Variants in OSBPL6 observed in about 807,000 individuals in gnomAD.
The protein encoded by OSBPL6 is oxysterol binding protein like 6.
Under a neutral mutation model 125.8 loss-of-function variants are expected in OSBPL6, and 49 were observed. The ratio of observed to expected loss-of-function variants is 0.39; its 90% CI spans 0.31 to 0.49. The LOEUF (loss-of-function observed/expected upper bound fraction) is 0.49, where lower values mean the gene tolerates loss of function less well. Among genes scored for constraint, OSBPL6 ranks in the 20% least tolerant of loss-of-function variants. The pLI is 0.88. For missense variants in OSBPL6, 986 were observed against 1,135.4 expected (o/e 0.87, Z 1.89); for synonymous variants, 394 against 391.8 (o/e 1.01, Z -0.07).
At chr2:178,383,319 C>T (rs767689099) in intron 17 of OSBPL6, 42 bp downstream of exon 17, 2 of 1,598,514 alleles carry the variant, frequency 1.3e-6, no homozygotes, top group African/African-American at 1.3e-5. Flanking sequence ...AGGGATTTGC[C>T]AACCCTAGAC....
At chr2:178,223,310 C>T (rs2090419535) in intron 1 of OSBPL6, among the ~76,000 whole-genome samples, 1 of 152,144 alleles carries the variant, frequency 6.6e-6, no homozygotes, top group Non-Finnish European at 1.5e-5. Context: ...TACATTCCCT[C>T]CTTTGTGTTT....
chr2:178,352,542 T>C (rs1691365390), intron 12 of OSBPL6, among the ~76,000 whole-genome samples: 1 of 151,988 alleles, frequency 6.6e-6, no homozygotes, highest in Non-Finnish European at 1.5e-5. Flanking sequence ...GGGAGGGGCA[T>C]CCACCATTGC....
intron 3 of OSBPL6, among the ~76,000 whole-genome samples, chr2:178,318,286 G>A (rs1687942467): frequency 6.6e-6 from 1 of 152,182 alleles, no homozygotes; most frequent in Non-Finnish European, 1.5e-5. Context: ...ATAATTCTGT[G>A]CAGGAAGGGA....
intron 15 of OSBPL6, among the ~76,000 whole-genome samples, chr2:178,378,552 A>T (rs1486262304): frequency 6.6e-6 from 1 of 152,214 alleles, no homozygotes; most frequent in African/African-American, 2.4e-5. Flanking sequence ...TGTTTCTGCA[A>T]TGCTGCATGC....
intron 12 of OSBPL6, among the ~76,000 whole-genome samples, chr2:178,360,258 G>A (rs1364959465): frequency 6.6e-6 from 1 of 152,150 alleles, no homozygotes; most frequent in Non-Finnish European, 1.5e-5. Context: ...AAATGTGTAG[G>A]ATGAACAAGT....
At position 178,372,215 on chromosome 2, in the gene OSBPL6, T is replaced by C; in HGVS notation, c.1377T>C (p.Ile459=). 1.2e-6 allele frequency: 2 copies of C among 1,612,306 alleles called. No homozygotes were observed. The highest frequency in any genetic ancestry group is 4.5e-5 in the East Asian group (2 of 44,754). The change falls in exon 14 of 25, where the codon ATT becomes ATC. Residue 459 remains isoleucine (I), a synonymous_variant. Transcript: ENST00000190611. ...GTGATCAGGTTGTCAGTGTAAATAT[T>C]ATTCCTAGCCCTGATGAGGTAAGAC... ...IICDQVVSVN[I]IPSPDEAGEQ... is the part of the protein sequence containing the mutation.
intron 11 of OSBPL6, chr2:178,344,460 A>C: frequency 8.6e-7 from 1 of 1,157,714 alleles, no homozygotes; most frequent in South Asian, 1.3e-5. Flanking sequence ...GTGTGATGGC[A>C]TCACCTGTAG....
intron 14 of OSBPL6, 24 bp downstream of exon 14, chr2:178,372,257 C>A: frequency 6.6e-7 from 1 of 1,506,130 alleles, no homozygotes; most frequent in Non-Finnish European, 9.1e-7. Context: ...TAAATAGATG[C>A]AGAGTACCTA....
At chr2:178,245,584 C>A (rs1389406426) in intron 1 of OSBPL6, among the ~76,000 whole-genome samples, 1 of 152,226 alleles carries the variant, frequency 6.6e-6, no homozygotes, top group Non-Finnish European at 1.5e-5. Flanking sequence ...ACAGATTGAA[C>A]AAATGCTACC....
intron 3 of OSBPL6, among the ~76,000 whole-genome samples, chr2:178,318,648 A>G (rs1278618524): frequency 6.6e-6 from 1 of 152,194 alleles, no homozygotes; most frequent in Admixed American, 6.5e-5. Flanking sequence ...CCATTAGAGA[A>G]TATCTAGGCC....
intron 1 of OSBPL6, among the ~76,000 whole-genome samples, chr2:178,208,577 C>T (rs2089663545): frequency 6.6e-6 from 1 of 151,868 alleles, no homozygotes; most frequent in Non-Finnish European, 1.5e-5. Context: ...TATTGGATCT[C>T]CTGCTTTCTA....
In OSBPL6 at chr2:178,395,434, T is replaced by C; in HGVS notation, c.2697-17T>C. ...TGATGTGATTCATGACTAATGTTGATGTTTATATTTTCACAGAAAAGTTAT... is the reference window on the plus strand; with the variant it reads ...TGATGTGATTCATGACTAATGTTGACGTTTATATTTTCACAGAAAAGTTAT... On this transcript the variant is annotated splice_polypyrimidine_tract_variant and intron_variant, in intron 24 of 24. Coordinates refer to ENST00000190611, the MANE Select transcript of OSBPL6 (RefSeq NM_032523.4). 6.4e-7 allele frequency: 1 copy of C among 1,566,018 alleles called. No individual in the cohort carries two copies. The highest frequency in any genetic ancestry group is 1.1e-5 in the South Asian group (1 of 89,992).
intron 11 of OSBPL6, among the ~76,000 whole-genome samples, chr2:178,347,853 A>G (rs1690871428): frequency 6.6e-6 from 1 of 152,214 alleles, no homozygotes; most frequent in African/African-American, 2.4e-5. Context: ...ATACCAAATG[A>G]TTCAAATAAC....
At position 178,197,776 on chromosome 2, in the gene OSBPL6, A is replaced by AT. The variant is rs779253721; in HGVS notation, c.-351+3104dup. ...AACTTTGGATGGGGGTAGATATTGT[A>AT]TTAAAAAAAAAGAAAGAGGATAATG... On this transcript the variant is annotated intron_variant, in intron 1 of 24. Transcript: ENST00000190611. Among the ~76,000 whole-genome samples, 24 of 152,314 alleles carry AT rather than the reference A, an allele frequency of 1.6e-4. No homozygotes were observed. In the East Asian group the frequency reaches 4.4e-3, roughly 28 times the overall value.
rs1462019664 is a variant in OSBPL6, at chr2:178,391,092, A to T, written c.2321A>T (p.Asn774Ile). The T allele has an allele frequency of 6.2e-7, 1 of 1,613,444 alleles. No individual in the cohort carries two copies. The highest frequency in any genetic ancestry group is 8.5e-7 in the Non-Finnish European group (1 of 1,179,792). The change falls in exon 22 of 25, where the codon AAC becomes ATC. Residue 774 changes from asparagine to isoleucine, a missense_variant. Asn to Ile is a moderately radical substitution (Grantham distance 149). Coordinates refer to ENST00000190611, the MANE Select transcript of OSBPL6 (RefSeq NM_032523.4). Reference sequence around the variant, plus strand: ...TTCCAGGTGAATTATTGGAATTCTAACATGAATGAAGTCCAGGGGGTGGTG... The same window carrying T: ...TTCCAGGTGAATTATTGGAATTCTATCATGAATGAAGTCCAGGGGGTGGTG... Reference protein sequence around the residue: ...TFVKVNYWNSNMNEVQGVVID... With the variant: ...TFVKVNYWNSIMNEVQGVVID...
At chr2:178,336,189 AGT>A in intron 8 of OSBPL6, 110 bp from the exon 9 acceptor site, 4 of 1,327,762 alleles carry the variant, frequency 3.0e-6, no homozygotes, top group Non-Finnish European at 4.1e-6. Flanking sequence ...CCATGTTTTG[AGT>A]GTGCATTTTC....
intron 1 of OSBPL6, among the ~76,000 whole-genome samples, chr2:178,195,344 G>T (rs1400540832): frequency 6.6e-6 from 1 of 152,232 alleles, no homozygotes; most frequent in Admixed American, 6.5e-5. Flanking sequence ...TTCAGACCGG[G>T]ACAGCGTTTG....
At chr2:178,202,727 C>G (rs998222597) in intron 1 of OSBPL6, among the ~76,000 whole-genome samples, 8 of 150,264 alleles carry the variant, frequency 5.3e-5, no homozygotes, top group Non-Finnish European at 7.4e-5. Flanking sequence ...GAGGCTGAGG[C>G]AGGAGAATCA....
intron 20 of OSBPL6, 121 bp from the exon 21 acceptor site, chr2:178,388,888 C>A: frequency 9.6e-7 from 1 of 1,040,714 alleles, no homozygotes; most frequent in Non-Finnish European, 1.4e-6. Context: ...AATTTCAAGA[C>A]ACAAATGGGA....
Sources: gnomAD v4.1 joint callset for allele counts (sites outside exome capture counted in the v4.1 genomes callset) on GRCh38, gnomAD v4.1.1 for gene constraint, MANE v1.5 for transcripts, NCBI Gene and HGNC (gene_info 2026-07-23, HGNC 2026-07-21) for gene names.